The following STXBP4 variants were observed in gnomAD, a reference collection of about 807,000 sequenced individuals.
The protein encoded by STXBP4 is syntaxin-binding protein 4.
In STXBP4, 55 loss-of-function variants were observed where a neutral mutation model predicts 76.1. The ratio of observed to expected loss-of-function variants is 0.72; its 90% CI spans 0.58 to 0.91. The LOEUF is 0.91. STXBP4 is among the 40% of genes least tolerant of loss of function. The pLI is 0.00. For missense variants in STXBP4, 618 were observed against 636.9 expected (o/e 0.97, Z 0.32); for synonymous variants, 201 against 220.2 (o/e 0.91, Z 0.77).
In STXBP4 at chr17:55,097,556, A is replaced by G. The variant is rs559280673; in HGVS notation, c.1489+16373A>G. ...CGGGTGCCTGTAGTATCAGCTACTC[A>G]GGAGGCTGAGGCAGGAGAATGGCAT... On this transcript the variant is annotated intron_variant, in intron 16 of 17. Coordinates refer to ENST00000376352, the MANE Select transcript of STXBP4 (RefSeq NM_178509.6). 4.6e-5 allele frequency among the ~76,000 whole-genome samples: 7 copies of G among 152,018 alleles called. No individual in the cohort carries two copies. In the South Asian group the frequency reaches 8.3e-4, roughly 18 times the overall value.
the STXBP4 span, among the ~76,000 whole-genome samples, chr17:55,180,851 A>G: frequency 6.6e-6 from 1 of 152,232 alleles, no homozygotes; most frequent in Non-Finnish European, 1.5e-5. Context: ...TTTTAGGCAT[A>G]TCTCAGAGGT....
chr17:55,209,860 C>T, the STXBP4 span, among the ~76,000 whole-genome samples: 6 of 152,214 alleles, frequency 3.9e-5, no homozygotes, highest in Non-Finnish European at 8.8e-5. Flanking sequence ...TGGAATCAGG[C>T]TCTTCATTCT....
chr17:55,190,979 G>GA, the STXBP4 span, among the ~76,000 whole-genome samples: 1 of 152,198 alleles, frequency 6.6e-6, no homozygotes, highest in Non-Finnish European at 1.5e-5. Context: ...ATAGTCAGGG[G>GA]AAAGGCCAAT....
At chr17:55,128,491 A>G (rs2079936943) in intron 16 of STXBP4, among the ~76,000 whole-genome samples, 1 of 152,176 alleles carries the variant, frequency 6.6e-6, no homozygotes, top group Non-Finnish European at 1.5e-5. Flanking sequence ...GCACAACTTT[A>G]CTGTGCCTAA....
At chr17:55,185,283 T>TCC in the STXBP4 span, among the ~76,000 whole-genome samples, 1 of 107,014 alleles carries the variant, frequency 9.3e-6, no homozygotes, top group Non-Finnish European at 1.9e-5. Context: ...CTCCTTCTCC[T>TCC]TCTCCTTCTC....
intron 16 of STXBP4, among the ~76,000 whole-genome samples, chr17:55,085,715 G>A (rs1349174410): frequency 2.0e-5 from 3 of 151,920 alleles, no homozygotes; most frequent in Non-Finnish European, 4.4e-5. Flanking sequence ...CTTGGTATGG[G>A]GTAACATTCA....
intron 16 of STXBP4, among the ~76,000 whole-genome samples, chr17:55,086,849 C>T (rs2079339692): frequency 6.6e-6 from 1 of 152,076 alleles, no homozygotes; most frequent in Admixed American, 6.6e-5. Context: ...ATACTGATCT[C>T]CATAGTGGCT....
chr17:55,083,055 C>T (rs998420527), intron 16 of STXBP4, among the ~76,000 whole-genome samples: 19 of 151,968 alleles, frequency 1.3e-4, no homozygotes, highest in African/African-American at 4.1e-4. Context: ...TCCTCCTCCC[C>T]GATCCCCCAT....
At chr17:55,064,260 T>C (rs2079023779) in intron 12 of STXBP4, among the ~76,000 whole-genome samples, 1 of 152,172 alleles carries the variant, frequency 6.6e-6, no homozygotes, top group Non-Finnish European at 1.5e-5. Context: ...TTCTTCAGTA[T>C]TGAAGGCAGC....
chr17:55,123,637 A>G (rs1370924383), intron 16 of STXBP4, among the ~76,000 whole-genome samples: 1 of 152,184 alleles, frequency 6.6e-6, no homozygotes, highest in Non-Finnish European at 1.5e-5. Flanking sequence ...GCGGTGGCTC[A>G]TGCCTGTAAT....
intron 12 of STXBP4, among the ~76,000 whole-genome samples, chr17:55,065,097 C>G (rs2079035230): frequency 6.6e-6 from 1 of 152,094 alleles, no homozygotes; most frequent in Non-Finnish European, 1.5e-5. Flanking sequence ...GCTATCTGGT[C>G]TTTCTAGTTG....
At chr17:55,138,157 C>G (rs977605874) in intron 16 of STXBP4, among the ~76,000 whole-genome samples, 2 of 151,912 alleles carry the variant, frequency 1.3e-5, no homozygotes, top group African/African-American at 4.8e-5. Context: ...TTTTGTAGAA[C>G]TTATTCCTAT....
At chr17:55,045,408 G>A (rs760866510) in intron 11 of STXBP4, among the ~76,000 whole-genome samples, 9 of 151,852 alleles carry the variant, frequency 5.9e-5, no homozygotes, top group Non-Finnish European at 8.8e-5. Context: ...TTCTTTTATC[G>A]CTACCTAAAC....
At chr17:55,084,924 G>A (rs2079305062) in intron 16 of STXBP4, among the ~76,000 whole-genome samples, 2 of 152,054 alleles carry the variant, frequency 1.3e-5, no homozygotes, top group Non-Finnish European at 1.5e-5. Flanking sequence ...GTTTATTGCG[G>A]CATTATTCAC....
At chr17:55,087,369 CCCTATTTTTTTCT>C (rs1441236207) in intron 16 of STXBP4, among the ~76,000 whole-genome samples, 1 of 151,976 alleles carries the variant, frequency 6.6e-6, no homozygotes, top group Non-Finnish European at 1.5e-5. Flanking sequence ...GAAGTGTTTC[CCCTATTTTTTTCT>C]CCTAGTAGTT....
chr17:54,973,641 G>T (rs1455140652), intron 1 of STXBP4, among the ~76,000 whole-genome samples: 1 of 152,204 alleles, frequency 6.6e-6, no homozygotes, highest in Non-Finnish European at 1.5e-5. Flanking sequence ...GCATAAGCCT[G>T]GGCTGCAATT....
chr17:55,052,926 T>G (rs2078877621), intron 12 of STXBP4, among the ~76,000 whole-genome samples: 1 of 140,104 alleles, frequency 7.1e-6, no homozygotes, highest in Admixed American at 7.2e-5. Flanking sequence ...CGTGTGTGTG[T>G]GTGTGTGTGT....
Position 55,168,277 on chromosome 17 carries a change from G to T in STXBP4, c.*8366G>T, listed in dbSNP as rs996402166. 6 of 149,848 alleles carry T rather than the reference G, an allele frequency of 4.0e-5. No homozygotes were observed. Among genetic ancestry groups the T allele is most frequent in the African/African-American group, 1.5e-4 (6 of 40,614 alleles). The allele number at this position is 149,848 out of a possible 1,614,324, so 9.3% of individuals were successfully genotyped here. A position where few individuals can be genotyped will look rare whatever the true frequency, so the allele number is the denominator to read the frequency against. ...ACACACACACACACACGTATTGGAGGAATAAGAAATATTTAATAAAATCTA... is the reference window on the plus strand; with the variant it reads ...ACACACACACACACACGTATTGGAGTAATAAGAAATATTTAATAAAATCTA... On this transcript the variant is annotated 3_prime_UTR_variant, in exon 18 of 18. Coordinates refer to ENST00000376352, the MANE Select transcript of STXBP4 (RefSeq NM_178509.6).
intron 16 of STXBP4, among the ~76,000 whole-genome samples, chr17:55,086,591 T>C (rs527634287): frequency 1.3e-5 from 2 of 152,288 alleles, no homozygotes; most frequent in African/African-American, 2.4e-5. Flanking sequence ...TGTTCTACTT[T>C]TTACTTCCGT....
Sources: allele counts gnomAD v4.1 joint callset (sites outside exome capture counted in the v4.1 genomes callset), GRCh38; gene constraint gnomAD v4.1.1; transcripts MANE v1.5; gene names NCBI Gene and HGNC (gene_info 2026-07-23, HGNC 2026-07-21).